CDK14: variants seen among roughly 807,000 people sequenced by gnomAD.
CDK14 encodes cyclin dependent kinase 14.
CDK14 carries 34 observed loss-of-function variants against 60.7 expected under a neutral mutation model. That is an observed-to-expected ratio of 0.56 (90% confidence interval 0.43 to 0.75). The LOEUF (loss-of-function observed/expected upper bound fraction) is 0.75, where lower values mean the gene tolerates loss of function less well. CDK14 is among the 30% of genes least tolerant of loss of function. The pLI, the probability that CDK14 is intolerant of heterozygous loss-of-function variation, is 0.00. For missense variants in CDK14, 482 were observed against 564.1 expected, an observed-to-expected ratio of 0.85 and a Z score of 1.47; for synonymous variants, 197 against 203.7, an observed-to-expected ratio of 0.97 and a Z score of 0.28.
chr7:91,109,075 A>T (rs1030175318), intron 12 of CDK14, among the ~76,000 whole-genome samples: 4 of 152,102 alleles, frequency 2.6e-5, no homozygotes, highest in African/African-American at 9.7e-5. Context: ...TTTTTCCCAT[A>T]TCTATTGGAA....
intron 2 of CDK14, among the ~76,000 whole-genome samples, chr7:90,630,081 ACAAAACAC>A (rs775117588): frequency 1.6e-3 from 123 of 74,598 alleles, no homozygotes; most frequent in Non-Finnish European, 2.5e-3. Context: ...ACAAAACAAA[ACAAAACAC>A]CACACACAAA....
At chr7:90,632,886 C>T (rs1800034907) in intron 2 of CDK14, among the ~76,000 whole-genome samples, 3 of 151,948 alleles carry the variant, frequency 2.0e-5, no homozygotes, top group African/African-American at 7.2e-5. Context: ...GTCAGGAATT[C>T]GAGACCAGCC....
At chr7:91,068,891 C>A (rs1245751916) in intron 11 of CDK14, among the ~76,000 whole-genome samples, 1 of 151,264 alleles carries the variant, frequency 6.6e-6, no homozygotes, top group African/African-American at 2.4e-5. Context: ...CTGTCTCAGC[C>A]TCCACCTCTC....
chr7:91,061,701 G>T (rs1797795386), intron 11 of CDK14, among the ~76,000 whole-genome samples: 1 of 152,214 alleles, frequency 6.6e-6, no homozygotes, highest in South Asian at 2.1e-4. Context: ...AGCAGCAGAG[G>T]CTGCAGAACA....
chr7:91,041,596 T>A (rs1797092494), intron 10 of CDK14, among the ~76,000 whole-genome samples: 2 of 152,206 alleles, frequency 1.3e-5, no homozygotes, highest in Non-Finnish European at 2.9e-5. Flanking sequence ...GAACAACAGT[T>A]TCATAAAACA....
intron 9 of CDK14, among the ~76,000 whole-genome samples, chr7:90,977,120 C>A (rs567828857): frequency 1.1e-4 from 16 of 152,066 alleles, no homozygotes; most frequent in Non-Finnish European, 1.6e-4. Context: ...TAAGGTGAAG[C>A]GTGGGAATCT....
intron 2 of CDK14, among the ~76,000 whole-genome samples, chr7:90,650,991 A>C (rs1251384012): frequency 2.6e-5 from 4 of 152,174 alleles, no homozygotes; most frequent in African/African-American, 9.7e-5. Context: ...CAATTCTGTG[A>C]AGAAAGTCTT....
Position 91,042,888 on chromosome 7 carries a change from G to A in CDK14, c.1042-3009G>A, listed in dbSNP as rs548012167. On this transcript the variant is annotated intron_variant, in intron 10 of 14. Coordinates refer to ENST00000380050, the MANE Select transcript of CDK14 (RefSeq NM_001287135.2). ...AGAGACCATACATACTCTCCTTAGT[G>A]CACAGGTAGCCAGTCATTGCTAATC... is the stretch of plus-strand genomic sequence containing the variant. Among the ~76,000 whole-genome samples the A allele has an allele frequency of 7.9e-5, 12 of 152,308 alleles. No homozygotes were observed. In the South Asian group the frequency reaches 2.5e-3, roughly 32 times the overall value.
chr7:91,050,452 AT>A (rs1243334604), intron 11 of CDK14, among the ~76,000 whole-genome samples: 2 of 152,218 alleles, frequency 1.3e-5, no homozygotes, highest in African/African-American at 4.8e-5. Context: ...CATTTTTAAA[AT>A]AATTATTGAA....
intron 14 of CDK14, among the ~76,000 whole-genome samples, chr7:91,120,517 T>C (rs1799747971): frequency 6.6e-6 from 1 of 152,070 alleles, no homozygotes; most frequent in East Asian, 1.9e-4. Flanking sequence ...GTTTGCCTTT[T>C]TCACATCAAC....
chr7:90,652,482 A>G lies in CDK14; in HGVS notation c.123+48233A>G, dbSNP rs28514793. Among the ~76,000 whole-genome samples, 269 of 152,310 alleles carry G rather than the reference A, an allele frequency of 1.8e-3. 1 individual carries two copies. Among genetic ancestry groups the G allele is most frequent in the African/African-American group, 6.0e-3 (248 of 41,568 alleles). On this transcript the variant is annotated intron_variant, in intron 2 of 14. Transcript: ENST00000380050. Reference sequence around the variant, plus strand: ...TGTGTTGTCATGTTTACACAGCTCTATATCAGGTAGGTGCATTGAGGGATA... The same window carrying G: ...TGTGTTGTCATGTTTACACAGCTCTGTATCAGGTAGGTGCATTGAGGGATA...
chr7:90,986,620 A>G lies in CDK14; in HGVS notation c.1041+2379A>G, dbSNP rs1228808671. On this transcript the variant is annotated intron_variant, in intron 10 of 14. Coordinates refer to ENST00000380050, the MANE Select transcript of CDK14 (RefSeq NM_001287135.2). ...AATTATTTTAAATAACTTTTTCACA[A>G]TAAGTTTCTTAAAAATATAAACTGT... is the stretch of plus-strand genomic sequence containing the variant. Among the ~76,000 whole-genome samples the G allele has an allele frequency of 4.6e-5, 7 of 152,118 alleles. No individual in the cohort carries two copies. The South Asian group carries it at 8.3e-4, about 18-fold the overall frequency.
chr7:91,047,441 GGTA>G (rs1418190251), intron 11 of CDK14, among the ~76,000 whole-genome samples: 10 of 152,138 alleles, frequency 6.6e-5, no homozygotes, highest in African/African-American at 2.4e-4. Context: ...ACGAGGATGT[GGTA>G]CCCATTAAGC....
chr7:90,867,823 C>T (rs1203383933), intron 6 of CDK14, among the ~76,000 whole-genome samples: 1 of 151,952 alleles, frequency 6.6e-6, no homozygotes, highest in Non-Finnish European at 1.5e-5. Flanking sequence ...AGCATTCTTA[C>T]CATCAGAAAT....
intron 4 of CDK14, among the ~76,000 whole-genome samples, chr7:90,753,579 G>C (rs1803933366): frequency 6.6e-6 from 1 of 152,080 alleles, no homozygotes; most frequent in African/African-American, 2.4e-5. Context: ...ACTGGAAAAA[G>C]ACAAGGATAC....
chr7:90,982,513 C>A (rs1795257344), intron 9 of CDK14, among the ~76,000 whole-genome samples: 1 of 152,146 alleles, frequency 6.6e-6, no homozygotes, highest in Admixed American at 6.5e-5. Flanking sequence ...CAGAGATATG[C>A]AGTTTCTTAA....
At chr7:91,064,951 A>C (rs917665236) in intron 11 of CDK14, among the ~76,000 whole-genome samples, 8 of 152,170 alleles carry the variant, frequency 5.3e-5, no homozygotes, top group African/African-American at 1.9e-4. Context: ...GTAGTCTATG[A>C]CTTTTAGGTA....
At chr7:90,746,846 A>T (rs1036846201) in intron 3 of CDK14, among the ~76,000 whole-genome samples, 1 of 152,184 alleles carries the variant, frequency 6.6e-6, no homozygotes, top group Non-Finnish European at 1.5e-5. Context: ...TGATTTATGT[A>T]TATATAAGAG....
At chr7:90,851,878 A>G (rs1790655884) in intron 5 of CDK14, among the ~76,000 whole-genome samples, 2 of 152,156 alleles carry the variant, frequency 1.3e-5, no homozygotes, top group South Asian at 4.1e-4. Flanking sequence ...GCCGAAGTGC[A>G]GTGGTGTGAT....
Sources: gnomAD v4.1 joint callset for allele counts (sites outside exome capture counted in the v4.1 genomes callset) on GRCh38, gnomAD v4.1.1 for gene constraint, MANE v1.5 for transcripts, NCBI Gene and HGNC (gene_info 2026-07-23, HGNC 2026-07-21) for gene names.